The following TBC1D9B variants were observed in gnomAD, a reference collection of about 807,000 sequenced individuals.
TBC1D9B encodes the protein TBC1 domain family member 9B.
TBC1D9B carries 87 observed loss-of-function variants against 121.1 expected under a neutral mutation model. The observed-to-expected ratio is 0.72, with a 90% confidence interval of 0.60 to 0.86. The LOEUF is 0.86. Ranked by LOEUF, TBC1D9B falls within the 40% of genes least tolerant of loss-of-function variation. The probability of loss-of-function intolerance (pLI) is 0.00; values close to 1 mark genes in which losing one functional copy is unlikely to be tolerated. For missense variants in TBC1D9B, 1,540 were observed against 1,628.6 expected (o/e 0.95, Z 0.94); for synonymous variants, 668 against 670.1 (o/e 1.00, Z 0.05).
chr5:179,875,539 AAAC>A lies in TBC1D9B; in HGVS notation c.1901-355_1901-353del, dbSNP rs1409987077. Among the ~76,000 whole-genome samples, 2 of 152,178 alleles carry A rather than the reference AAAC, an allele frequency of 1.3e-5. No individual in the cohort carries two copies. Among genetic ancestry groups the A allele is most frequent in the Non-Finnish European group, 2.9e-5 (2 of 68,026 alleles). On this transcript the variant is annotated intron_variant, in intron 11 of 20. Transcript: ENST00000355235. This position sits in a 1 kb window ranked among gnomAD's most constrained non-coding sequence, Gnocchi z 4.5. ...GAAGGACCCCAAGAGCGGTAACTCC[AAAC>A]ACCAGACAGCAGGGGAAGGACAGGA...
chr5:179,863,804 C>A lies in TBC1D9B; in HGVS notation c.3346G>T (p.Gly1116Cys), dbSNP rs137877957. ...TGGGAGGGTGAGCCCTGTCCCTCGC[C>A]GCTGCCCCCCTCCACCACCACCTGG... ...ESQVVVEGGS[G>C]EGQGSPSQLL... Residue 1116 changes from glycine (G) to cysteine (C), a missense_variant, in exon 21 of 21, where the codon GGC becomes TGC. Physicochemically the swap from Gly to Cys is radical, Grantham distance 159 (BLOSUM62 -3). Coordinates refer to ENST00000355235, the MANE Select transcript of TBC1D9B (RefSeq NM_015043.4). The surrounding 1 kb of genome is among the most constrained non-coding windows in gnomAD (Gnocchi z 4.5). 1 of 1,613,660 alleles carries A rather than the reference C, an allele frequency of 6.2e-7. No individual in the cohort carries two copies. Among genetic ancestry groups the A allele is most frequent in the Non-Finnish European group, 8.5e-7 (1 of 1,179,974 alleles).
chr5:179,883,770 C>T (rs934266794), intron 7 of TBC1D9B, among the ~76,000 whole-genome samples: 1 of 152,146 alleles, frequency 6.6e-6, no homozygotes, highest in African/African-American at 2.4e-5. Context: ...ATCTGGTTCA[C>T]TTTCTCCCCG....
intron 6 of TBC1D9B, among the ~76,000 whole-genome samples, chr5:179,888,943 C>T (rs1760775626): frequency 6.6e-6 from 1 of 152,070 alleles, no homozygotes; most frequent in South Asian, 2.1e-4. Context: ...CAGCAGTCAC[C>T]CTGCAGAGGG....
intron 7 of TBC1D9B, among the ~76,000 whole-genome samples, chr5:179,883,912 C>T (rs576722504): frequency 1.0e-3 from 154 of 152,218 alleles, no homozygotes; most frequent in Non-Finnish European, 1.8e-3. Context: ...CTGCTGTGGT[C>T]GGTCTGTGTA....
intron 10 of TBC1D9B, among the ~76,000 whole-genome samples, chr5:179,876,960 A>G (rs1760375603): frequency 6.6e-6 from 1 of 150,562 alleles, no homozygotes; most frequent in Admixed American, 6.7e-5. Flanking sequence ...AGTTCCAGCT[A>G]CCCAGGAGGC....
At chr5:179,870,692 G>A in intron 15 of TBC1D9B, 197 bp from the exon 16 acceptor site, 1 of 830,160 alleles carries the variant, frequency 1.2e-6, no homozygotes, top group Admixed American at 3.0e-5. Flanking sequence ...ATGGGGAGGG[G>A]GTTGGCTGAG....
At chr5:179,889,871 CAAAAAAAAAAA>C (rs397883158) in intron 6 of TBC1D9B, among the ~76,000 whole-genome samples, 1 of 48,926 alleles carries the variant, frequency 2.0e-5, no homozygotes, top group Non-Finnish European at 3.5e-5. Context: ...GACCCTGTCT[CAAAAAAAAAAA>C]AAAAAAAAAA....
chr5:179,864,188 A>G, intron 20 of TBC1D9B, 60 bp from the exon 21 acceptor site: 4 of 1,476,636 alleles, frequency 2.7e-6, no homozygotes, highest in Non-Finnish European at 3.6e-6. Flanking sequence ...GACGGGGTCC[A>G]TATTAGCCAA....
chr5:179,889,190 C>T (rs575528165), intron 6 of TBC1D9B, among the ~76,000 whole-genome samples: 37 of 152,168 alleles, frequency 2.4e-4, no homozygotes, highest in African/African-American at 5.5e-4. Flanking sequence ...CCACCACGCC[C>T]GGCTAATTTT....
At chr5:179,899,068 T>G in intron 3 of TBC1D9B, 121 bp downstream of exon 3, 1 of 770,926 alleles carries the variant, frequency 1.3e-6, no homozygotes, top group African/African-American at 1.7e-5. Context: ...GCGCTGACAC[T>G]TCAGTCTCCA....
chr5:179,875,882 C>T lies in TBC1D9B; in HGVS notation c.1900+38G>A, dbSNP rs1183365315. ...CCACCCTCATGGAACCAGCAGGCAC[C>T]TGGAGACCCAGGCGAGGCAGCACCC... On this transcript the variant is annotated intron_variant, in intron 11 of 20. Transcript: ENST00000355235. The surrounding 1 kb of genome is among the most constrained non-coding windows in gnomAD (Gnocchi z 4.5). 2.6e-6 allele frequency: 4 copies of T among 1,530,644 alleles called. No homozygotes were observed. In the African/African-American group the frequency reaches 4.1e-5, roughly 16 times the overall value. 94.8% of individuals were successfully genotyped at this position (1,530,644 alleles called of 1,614,324 possible).
At chr5:179,867,231 T>C (rs996304695) in intron 18 of TBC1D9B, 2 of 537,786 alleles carry the variant, frequency 3.7e-6, no homozygotes, top group African/African-American at 3.8e-5. Context: ...TGGGCCTGCT[T>C]GGCGCCTAGT....
chr5:179,879,050 A>G lies in TBC1D9B; in HGVS notation c.1564T>C (p.Ser522Pro). 6.2e-7 allele frequency: 1 copy of G among 1,601,850 alleles called. No individual in the cohort carries two copies. The highest frequency in any genetic ancestry group is 8.5e-7 in the Non-Finnish European group (1 of 1,179,758). Residue 522 changes from serine (S) to proline (P), a missense_variant, in exon 9 of 21, where the codon TCC becomes CCC. Ser to Pro is a moderately conservative substitution (Grantham distance 74). Coordinates refer to ENST00000355235, the MANE Select transcript of TBC1D9B (RefSeq NM_015043.4). The stretch of plus-strand genomic sequence containing the variant: ...GGGGTGGCTGCACCCCACTCACCGG[A>G]GAAGAGGAGCCACAGCTCTCCCCGG... ...SLRGELWLLF[S>P]GAWNEMVTHP...
In TBC1D9B at chr5:179,873,138, A is replaced by G. The variant is rs1760252922; in HGVS notation, c.2297T>C (p.Leu766Pro). 1 of 1,611,840 alleles carries G rather than the reference A, an allele frequency of 6.2e-7. No homozygotes were observed. The highest frequency in any genetic ancestry group is 8.5e-7 in the Non-Finnish European group (1 of 1,178,984). ...GCTGACCTCATAGGACACTTTCAGGAGCTCAAAGATGTCCACCTCTGCAGG... is the reference window on the plus strand; with the variant it reads ...GCTGACCTCATAGGACACTTTCAGGGGCTCAAAGATGTCCACCTCTGCAGG... ...DPPAEVDIFE[L>P]LKVSYEKFSS... The change falls in exon 13 of 21, where the codon CTC becomes CCC. Residue 766 changes from leucine to proline, a missense_variant. Transcript: ENST00000355235.
Position 179,907,612 on chromosome 5 carries a change from G to T in TBC1D9B, c.118+92C>A. 3.0e-6 allele frequency: 2 copies of T among 676,966 alleles called. No homozygotes were observed. Among genetic ancestry groups the T allele is most frequent in the South Asian group, 6.3e-5 (1 of 15,910 alleles). 41.9% of individuals were successfully genotyped at this position (676,966 alleles called of 1,614,324 possible). A position where few individuals can be genotyped will look rare whatever the true frequency, so the allele number is the denominator to read the frequency against. On this transcript the variant is annotated intron_variant, in intron 1 of 20. Transcript: ENST00000355235. This position sits in a 1 kb window ranked among gnomAD's most constrained non-coding sequence, Gnocchi z 5.3. ...TGTCCGCCGCGACGCGCCGAGGCCG[G>T]GCCGGAACCGGACCCGCCCGCCGCC... is the stretch of plus-strand genomic sequence containing the variant.
chr5:179,882,922 G>T (rs937996834), intron 7 of TBC1D9B, among the ~76,000 whole-genome samples: 1 of 152,142 alleles, frequency 6.6e-6, no homozygotes, highest in Non-Finnish European at 1.5e-5. Context: ...CAGGATCGTG[G>T]CCCATTGCAA....
At chr5:179,897,499 T>C (rs1175173708) in intron 3 of TBC1D9B, among the ~76,000 whole-genome samples, 1 of 151,920 alleles carries the variant, frequency 6.6e-6, no homozygotes, top group African/African-American at 2.4e-5. Context: ...TAAATATTTT[T>C]AGTAGAGACA....
intron 7 of TBC1D9B, among the ~76,000 whole-genome samples, chr5:179,887,463 G>C (rs1582092982): frequency 6.6e-6 from 1 of 152,272 alleles, no homozygotes; most frequent in African/African-American, 2.4e-5. Flanking sequence ...CAGACGATGA[G>C]AGACTCTATG....
Position 179,878,378 on chromosome 5 carries a change from C to T in TBC1D9B, c.1713G>A (p.Leu571=). ...GCACCCGCCGGAGGGCAGCAATCCC[C>T]AGCTCGTTCTGGAAGGCAGGGTGCT... ...MPEHPAFQNE[L]GIAALRRVLT... Residue 571 remains leucine (L), a synonymous_variant, in exon 10 of 21, where the codon CTG becomes CTA. Coordinates refer to ENST00000355235, the MANE Select transcript of TBC1D9B (RefSeq NM_015043.4). 1.9e-6 allele frequency: 3 copies of T among 1,614,054 alleles called. No homozygotes were observed. The highest frequency in any genetic ancestry group is 2.5e-6 in the Non-Finnish European group (3 of 1,180,000).
Sources: allele counts gnomAD v4.1 joint callset (sites outside exome capture counted in the v4.1 genomes callset), GRCh38; gene constraint gnomAD v4.1.1; non-coding constraint Gnocchi (gnomAD v3.1); transcripts MANE v1.5; gene names NCBI Gene and HGNC (gene_info 2026-07-23, HGNC 2026-07-21).